DCAF6: variants seen among roughly 807,000 people sequenced by gnomAD.
DCAF6 encodes DDB1- and CUL4-associated factor 6.
In DCAF6, 54 loss-of-function variants were observed where a neutral mutation model predicts 125.1. The observed-to-expected ratio is 0.43, with a 90% confidence interval of 0.35 to 0.54. The LOEUF is 0.54. Among genes scored for constraint, DCAF6 ranks in the 20% least tolerant of loss-of-function variants. The pLI is 0.01. For missense variants in DCAF6, 934 were observed against 1,161.7 expected, an observed-to-expected ratio of 0.80 and a Z score of 2.85; for synonymous variants, 371 against 390.4, an observed-to-expected ratio of 0.95 and a Z score of 0.58.
intron 2 of DCAF6, among the ~76,000 whole-genome samples, chr1:167,956,013 A>G (rs1467560870): frequency 6.6e-6 from 1 of 152,168 alleles, no homozygotes; most frequent in Non-Finnish European, 1.5e-5. Flanking sequence ...CTCCCACCTC[A>G]ACCTCCCAAA....
At chr1:168,004,113 T>C (rs891142364) in intron 9 of DCAF6, 124 bp downstream of exon 9, 84 of 1,215,380 alleles carry the variant, frequency 6.9e-5, no homozygotes, top group East Asian at 5.9e-4. Context: ...AAGGTTCTTA[T>C]TGTGTGGTGT....
intron 3 of DCAF6, among the ~76,000 whole-genome samples, chr1:167,970,886 A>G (rs759731322): frequency 9.9e-5 from 15 of 152,166 alleles, no homozygotes; most frequent in Non-Finnish European, 1.3e-4. Flanking sequence ...TTTTAATTAT[A>G]TATAGCATAG....
rs762978498 is a variant in DCAF6, at chr1:168,023,012, A to G, written c.1574A>G (p.Lys525Arg). 10 of 1,614,166 alleles carry G rather than the reference A, an allele frequency of 6.2e-6. No individual in the cohort carries two copies. The highest frequency in any genetic ancestry group is 1.1e-5 in the South Asian group (1 of 91,080). ...GATTCTCCTTCTTCTGTGGTTAACA[A>G]ACAGCTCGGATCCATGTCACTTGAC... ...ASDSPSSVVN[K>R]QLGSMSLDEQ... The change falls in exon 12 of 22, where the codon AAA (lysine) becomes AGA (arginine). Residue 525 changes from lysine to arginine, a missense_variant. By Grantham distance (26) the Lys-to-Arg change is conservative (BLOSUM62 2). Coordinates refer to ENST00000367840, the MANE Select transcript of DCAF6 (RefSeq NM_001198956.2).
intron 17 of DCAF6, 47 bp from the exon 18 acceptor site, chr1:168,063,574 T>C: frequency 7.3e-7 from 1 of 1,374,442 alleles, no homozygotes; most frequent in Non-Finnish European, 9.6e-7. Flanking sequence ...TTATTCTTTG[T>C]GAATATTTTT....
the DCAF6 span, chr1:167,896,468 G>T: frequency 2.5e-6 from 2 of 794,470 alleles, no homozygotes; most frequent in Non-Finnish European, 4.5e-6. Context: ...GGTCCCCTTT[G>T]TGTGCTGGTA....
chr1:167,957,440 C>T lies in DCAF6; in HGVS notation c.159+5579C>T, dbSNP rs1370582567. Among the ~76,000 whole-genome samples, 4 of 152,148 alleles carry T rather than the reference C, an allele frequency of 2.6e-5. No homozygotes were observed. The East Asian group carries it at 7.7e-4, about 29-fold the overall frequency. ...TTGTAGTATGTGTCAGTATTTCATT[C>T]CTTTTTATGATTGAATAAATATTTC... On this transcript the variant is annotated intron_variant, in intron 2 of 21. Coordinates refer to ENST00000367840, the MANE Select transcript of DCAF6 (RefSeq NM_001198956.2).
chr1:167,971,387 T>C (rs1398624964), intron 3 of DCAF6, among the ~76,000 whole-genome samples: 1 of 152,238 alleles, frequency 6.6e-6, no homozygotes, highest in Non-Finnish European at 1.5e-5. Context: ...ACATTATTTA[T>C]TTACCTCTCA....
chr1:167,899,893 A>G, the DCAF6 span, among the ~76,000 whole-genome samples: 1 of 152,204 alleles, frequency 6.6e-6, no homozygotes, highest in Non-Finnish European at 1.5e-5. Context: ...CCAGTCCCCA[A>G]AGTTATTTTT....
chr1:167,893,970 C>T, the DCAF6 span: 1 of 1,564,706 alleles, frequency 6.4e-7, no homozygotes, highest in Non-Finnish European at 8.8e-7. Flanking sequence ...GGTGCAGGCT[C>T]AGAGAGGGAA....
chr1:167,872,030 A>C, the DCAF6 span, among the ~76,000 whole-genome samples: 1 of 152,030 alleles, frequency 6.6e-6, no homozygotes, highest in African/African-American at 2.4e-5. Context: ...ATAATAAAAA[A>C]TAAATAAATA....
chr1:167,979,353 T>C (rs1224251225), intron 4 of DCAF6, among the ~76,000 whole-genome samples: 1 of 152,118 alleles, frequency 6.6e-6, no homozygotes, highest in Non-Finnish European at 1.5e-5. Context: ...ACTGATACTC[T>C]GCATCTATCA....
intron 2 of DCAF6, among the ~76,000 whole-genome samples, chr1:167,956,036 G>A (rs532490488): frequency 2.5e-3 from 379 of 152,268 alleles, no homozygotes; most frequent in Admixed American, 3.7e-3. Flanking sequence ...AAAGTGCTGG[G>A]ATTACAGGTA....
chr1:167,947,954 C>A (rs1673322273), intron 1 of DCAF6, among the ~76,000 whole-genome samples: 1 of 152,128 alleles, frequency 6.6e-6, no homozygotes, highest in Non-Finnish European at 1.5e-5. Context: ...CTGTCTAATG[C>A]TGTAAGTGGG....
intron 1 of DCAF6, among the ~76,000 whole-genome samples, chr1:167,938,681 G>C (rs1345689407): frequency 6.6e-6 from 1 of 152,182 alleles, no homozygotes; most frequent in African/African-American, 2.4e-5. Context: ...ACATTGTTTT[G>C]CATGGATACA....
chr1:167,946,082 G>T (rs527984422), intron 1 of DCAF6, among the ~76,000 whole-genome samples: 1 of 145,516 alleles, frequency 6.9e-6, no homozygotes, highest in African/African-American at 2.6e-5. Flanking sequence ...TCAGCCTCCC[G>T]AGTAGCTGGG....
chr1:167,915,743 G>T, the DCAF6 span, among the ~76,000 whole-genome samples: 2 of 152,184 alleles, frequency 1.3e-5, no homozygotes, highest in South Asian at 4.1e-4. Context: ...GCACCACCGC[G>T]CCTGGCCCGT....
At chr1:168,051,038 G>C (rs1319166324) in intron 17 of DCAF6, 105 bp downstream of exon 17, 6 of 507,588 alleles carry the variant, frequency 1.2e-5, no homozygotes, top group Non-Finnish European at 2.0e-5. Flanking sequence ...TACTCCCTTT[G>C]GACTTACTGA....
intron 4 of DCAF6, among the ~76,000 whole-genome samples, chr1:167,987,131 A>G (rs1680123322): frequency 1.3e-5 from 2 of 152,206 alleles, no homozygotes; most frequent in Admixed American, 1.3e-4. Context: ...TATTTATTGT[A>G]CAATTATAAA....
At chr1:167,863,685 G>T in the DCAF6 span, among the ~76,000 whole-genome samples, 1 of 152,248 alleles carries the variant, frequency 6.6e-6, no homozygotes, top group African/African-American at 2.4e-5. Flanking sequence ...CAACCAGCCA[G>T]AGTGACGCGG....
Sources: allele counts gnomAD v4.1 joint callset (sites outside exome capture counted in the v4.1 genomes callset), GRCh38; gene constraint gnomAD v4.1.1; transcripts MANE v1.5; gene names NCBI Gene and HGNC (gene_info 2026-07-23, HGNC 2026-07-21).